Variants in CTNND2 observed in about 807,000 individuals in gnomAD.
CTNND2 encodes the protein catenin delta-2.
Under a neutral mutation model 144.4 loss-of-function variants are expected in CTNND2, and 22 were observed. That is an observed-to-expected ratio of 0.15 (90% CI 0.11 to 0.22). The LOEUF is 0.22. Among genes scored for constraint, CTNND2 ranks in the 10% least tolerant of loss-of-function variants. The pLI, the probability that CTNND2 is intolerant of heterozygous loss-of-function variation, is 1.00. For missense variants in CTNND2, 1,353 were observed against 1,618.8 expected, an observed-to-expected ratio of 0.84 and a Z score of 2.82; for synonymous variants, 751 against 695.6, an observed-to-expected ratio of 1.08 and a Z score of -1.25.
At chr5:11,386,166 C>T (rs1328045256) in intron 6 of CTNND2, among the ~76,000 whole-genome samples, 1 of 152,202 alleles carries the variant, frequency 6.6e-6, no homozygotes, top group African/African-American at 2.4e-5. Context: ...ACATTGTCAA[C>T]CACTTCTGGG....
intron 9 of CTNND2, among the ~76,000 whole-genome samples, chr5:11,259,462 G>GT (rs1471685274): frequency 1.3e-5 from 2 of 152,152 alleles, no homozygotes; most frequent in Admixed American, 6.5e-5. Flanking sequence ...ATCCAGCCCT[G>GT]TGGGACCATT....
intron 9 of CTNND2, among the ~76,000 whole-genome samples, chr5:11,344,171 G>A (rs983162301): frequency 3.9e-5 from 6 of 152,164 alleles, no homozygotes; most frequent in Admixed American, 2.6e-4. Context: ...TTGGGAGGCC[G>A]AGGCGGGTGG....
At chr5:11,021,758 G>A (rs371337445) in intron 17 of CTNND2, among the ~76,000 whole-genome samples, 11 of 150,244 alleles carry the variant, frequency 7.3e-5, no homozygotes, top group South Asian at 2.1e-4. Flanking sequence ...TTCAAAGTGC[G>A]TCCCTCAAAG....
At chr5:11,531,644 A>C (rs1365534618) in intron 3 of CTNND2, among the ~76,000 whole-genome samples, 2 of 152,114 alleles carry the variant, frequency 1.3e-5, no homozygotes, top group Middle Eastern at 6.3e-3. Context: ...CAAAACAAAA[A>C]GACAGGGAGA....
chr5:11,110,079 T>C (rs1369103137), intron 14 of CTNND2, among the ~76,000 whole-genome samples: 2 of 152,174 alleles, frequency 1.3e-5, no homozygotes, highest in Admixed American at 1.3e-4. Flanking sequence ...AAGGTGGGGA[T>C]GCTTTGTCCT....
In CTNND2 at chr5:11,667,213, G is replaced by T. The variant is rs144009602; in HGVS notation, c.174+64923C>A. ...CCAAGTCATTGCTATTGTGAACAGT[G>T]CCGCAATAAACATACGTGTGTGTGT... is the stretch of plus-strand genomic sequence containing the variant. On this transcript the variant is annotated intron_variant, in intron 2 of 21. Coordinates refer to ENST00000304623, the MANE Select transcript of CTNND2 (RefSeq NM_001332.4). Among the ~76,000 whole-genome samples, 103 of 152,246 alleles carry T rather than the reference G, an allele frequency of 6.8e-4. 1 individual carries two copies. Among genetic ancestry groups the T allele is most frequent in the African/African-American group, 2.3e-3 (94 of 41,544 alleles).
intron 1 of CTNND2, among the ~76,000 whole-genome samples, chr5:11,749,026 A>T (rs1458330672): frequency 2.0e-5 from 3 of 151,998 alleles, no homozygotes; most frequent in African/African-American, 7.2e-5. Flanking sequence ...AGCCCTATGG[A>T]GAAAGAGGTC....
intron 9 of CTNND2, among the ~76,000 whole-genome samples, chr5:11,279,784 A>C (rs1045729620): frequency 8.5e-5 from 13 of 152,188 alleles, no homozygotes; most frequent in Non-Finnish European, 1.8e-4. Flanking sequence ...AAGTGGGAGC[A>C]GACACATCAC....
At chr5:11,217,177 T>C (rs570484976) in intron 10 of CTNND2, among the ~76,000 whole-genome samples, 1 of 152,326 alleles carries the variant, frequency 6.6e-6, no homozygotes, top group East Asian at 1.9e-4. Flanking sequence ...GAAAAAGTCT[T>C]CCCAAGGTGG....
intron 2 of CTNND2, among the ~76,000 whole-genome samples, chr5:11,672,390 C>T (rs1032604519): frequency 3.3e-5 from 5 of 152,220 alleles, no homozygotes; most frequent in African/African-American, 1.2e-4. Context: ...GTAGCCACCC[C>T]TTCCCCCAGG....
intron 1 of CTNND2, among the ~76,000 whole-genome samples, chr5:11,797,668 A>G (rs1192358907): frequency 1.3e-5 from 2 of 152,246 alleles, no homozygotes; most frequent in Non-Finnish European, 2.9e-5. Flanking sequence ...AAAATTATGA[A>G]AATAATAAAC....
chr5:11,128,724 A>C (rs1754939294), intron 12 of CTNND2, among the ~76,000 whole-genome samples: 1 of 61,324 alleles, frequency 1.6e-5, no homozygotes, highest in Non-Finnish European at 2.6e-5. Context: ...AAAATGCCAT[A>C]TATATAATAT....
At chr5:11,123,442 T>G (rs1045806781) in intron 12 of CTNND2, among the ~76,000 whole-genome samples, 1 of 152,154 alleles carries the variant, frequency 6.6e-6, no homozygotes, top group Non-Finnish European at 1.5e-5. Context: ...ATCTCATGGG[T>G]AGAGGCAGCC....
At chr5:11,593,808 A>G (rs1257168100) in intron 2 of CTNND2, among the ~76,000 whole-genome samples, 1 of 152,178 alleles carries the variant, frequency 6.6e-6, no homozygotes, top group Non-Finnish European at 1.5e-5. Context: ...CAGTATGAAA[A>G]TGGACTAATA....
intron 10 of CTNND2, among the ~76,000 whole-genome samples, chr5:11,213,961 C>T (rs985309433): frequency 1.3e-5 from 2 of 152,092 alleles, no homozygotes; most frequent in African/African-American, 4.8e-5. Flanking sequence ...TCATTCAGTT[C>T]TTTATACTAT....
chr5:11,297,434 T>C (rs1011947636), intron 9 of CTNND2, among the ~76,000 whole-genome samples: 2 of 152,196 alleles, frequency 1.3e-5, no homozygotes, highest in Admixed American at 6.5e-5. Context: ...AATGCAGCTG[T>C]CTTCCACAGA....
chr5:11,810,193 T>C (rs1792248610), intron 1 of CTNND2, among the ~76,000 whole-genome samples: 1 of 152,148 alleles, frequency 6.6e-6, no homozygotes, highest in East Asian at 1.9e-4. Context: ...TCTACTATAG[T>C]AGTTTTCAAT....
chr5:11,730,198 G>A (rs7732143), intron 2 of CTNND2, among the ~76,000 whole-genome samples: 13,481 of 152,062 alleles, frequency 0.089, 1,193 homozygotes, highest in African/African-American at 0.23. Context: ...TATGGCTTCT[G>A]GACTTCCTCT....
intron 9 of CTNND2, among the ~76,000 whole-genome samples, chr5:11,300,558 C>T (rs1016095394): frequency 6.6e-6 from 1 of 152,158 alleles, no homozygotes; most frequent in Non-Finnish European, 1.5e-5. Context: ...ACCCTCCCCA[C>T]ACACAGTTCC....
Sources: gnomAD v4.1 joint callset for allele counts (sites outside exome capture counted in the v4.1 genomes callset) on GRCh38, gnomAD v4.1.1 for gene constraint, MANE v1.5 for transcripts, NCBI Gene and HGNC (gene_info 2026-07-23, HGNC 2026-07-21) for gene names.